Variants in ESRRG observed in about 807,000 individuals in gnomAD.
ESRRG encodes the protein estrogen-related receptor gamma.
Under a neutral mutation model 44.0 loss-of-function variants are expected in ESRRG, and 13 were observed. That is an observed-to-expected ratio of 0.30 (90% CI 0.19 to 0.47). The LOEUF (loss-of-function observed/expected upper bound fraction) is 0.47, where lower values mean the gene tolerates loss of function less well. ESRRG is among the 20% of genes least tolerant of loss of function. The pLI is 1.00. For synonymous variants in ESRRG, 215 were observed against 214.6 expected (o/e 1.00, Z -0.02); for missense variants, 395 against 580.6 (o/e 0.68, Z 3.29).
At chr1:216,969,662 C>T (rs1000562193) in intron 1 of ESRRG, among the ~76,000 whole-genome samples, 17 of 152,084 alleles carry the variant, frequency 1.1e-4, no homozygotes, top group African/African-American at 3.4e-4. Context: ...CTCAGCTCAC[C>T]GCAACCTCCG....
intron 1 of ESRRG, among the ~76,000 whole-genome samples, chr1:216,703,751 G>A (rs1286770237): frequency 6.6e-6 from 1 of 151,560 alleles, no homozygotes; most frequent in Non-Finnish European, 1.5e-5. Flanking sequence ...TTGAATGTGG[G>A]GGTGGGAAGA....
chr1:217,009,993 C>T (rs551493158), intron 1 of ESRRG, among the ~76,000 whole-genome samples: 5 of 152,136 alleles, frequency 3.3e-5, no homozygotes, highest in African/African-American at 7.2e-5. Context: ...TGTGAGCCAC[C>T]GCGCCCGGCC....
At chr1:216,754,705 T>A (rs906409165) in intron 2 of ESRRG, among the ~76,000 whole-genome samples, 3,653 of 104,658 alleles carry the variant, frequency 0.035, 158 homozygotes, top group African/African-American at 0.16. Context: ...GAAAGAACTT[T>A]TTTTTTTTTT....
intron 2 of ESRRG, among the ~76,000 whole-genome samples, chr1:216,759,439 C>T (rs997468619): frequency 3.9e-5 from 6 of 152,228 alleles, no homozygotes; most frequent in African/African-American, 1.4e-4. Context: ...CTCCACCCAC[C>T]ACATGGTTTT....
intron 3 of ESRRG, among the ~76,000 whole-genome samples, chr1:216,577,106 A>G (rs895534378): frequency 6.6e-6 from 1 of 151,904 alleles, no homozygotes; most frequent in Non-Finnish European, 1.5e-5. Flanking sequence ...CACTTCCCCA[A>G]TGTAATTAAA....
intron 5 of ESRRG, among the ~76,000 whole-genome samples, chr1:216,562,733 A>T (rs2059008557): frequency 6.6e-6 from 1 of 152,134 alleles, no homozygotes; most frequent in South Asian, 2.1e-4. Context: ...GTGTATACAT[A>T]TATCATAATG....
chr1:216,563,698 T>C lies in ESRRG; in HGVS notation c.862+521A>G, dbSNP rs115568532. On this transcript the variant is annotated intron_variant, in intron 5 of 6. Coordinates refer to ENST00000408911, the MANE Select transcript of ESRRG (RefSeq NM_001438.4). ...ACTTTAAATTACCATATAGGAAAAG[T>C]TACCATGTCCATTTAATATTTATTT... 3.4e-3 allele frequency among the ~76,000 whole-genome samples: 519 copies of C among 152,282 alleles called. 5 individuals carry two copies. The highest frequency in any genetic ancestry group is 0.01 in the African/African-American group (419 of 41,556).
intron 1 of ESRRG, among the ~76,000 whole-genome samples, chr1:216,693,772 C>A: frequency 6.6e-6 from 1 of 152,154 alleles, no homozygotes; most frequent in Middle Eastern, 3.2e-3. Context: ...GCAGAGCCCA[C>A]AGACATGGAG....
At chr1:216,854,652 G>A (rs935034440) in intron 2 of ESRRG, among the ~76,000 whole-genome samples, 5 of 152,130 alleles carry the variant, frequency 3.3e-5, no homozygotes, top group Non-Finnish European at 5.9e-5. Flanking sequence ...TATGGCGCCT[G>A]AGGTAACTAC....
rs557847134 is a variant in ESRRG at position 216,558,128 on chromosome 1, A to G, written c.862+6091T>C. ...TTCACAACTTTGGCTTGTCTCTTGAACTAGATCTCTGCCTAGGAAACCTAG... is the reference window on the plus strand; with the variant it reads ...TTCACAACTTTGGCTTGTCTCTTGAGCTAGATCTCTGCCTAGGAAACCTAG... On this transcript the variant is annotated intron_variant, in intron 5 of 6. Transcript: ENST00000408911. 2.6e-4 allele frequency among the ~76,000 whole-genome samples: 39 copies of G among 152,308 alleles called. No homozygotes were observed. In the South Asian group the frequency reaches 7.5e-3, roughly 29 times the overall value.
intron 3 of ESRRG, among the ~76,000 whole-genome samples, chr1:216,577,534 T>C (rs1324889078): frequency 6.6e-6 from 1 of 151,954 alleles, no homozygotes; most frequent in Admixed American, 6.6e-5. Context: ...CCAATAATAA[T>C]AGTTATAACA....
chr1:217,015,427 AAC>A (rs2079197449), intron 1 of ESRRG, among the ~76,000 whole-genome samples: 1 of 152,170 alleles, frequency 6.6e-6, no homozygotes, highest in South Asian at 2.1e-4. Flanking sequence ...AAATATATAA[AAC>A]ATAAATTTAT....
At chr1:217,009,050 G>A (rs778695541) in intron 1 of ESRRG, among the ~76,000 whole-genome samples, 2 of 151,996 alleles carry the variant, frequency 1.3e-5, no homozygotes, top group African/African-American at 2.4e-5. Flanking sequence ...CATTCTTCAT[G>A]GTAAAAAATA....
intron 1 of ESRRG, among the ~76,000 whole-genome samples, chr1:216,983,182 G>A (rs190327572): frequency 1.9e-4 from 29 of 152,012 alleles, no homozygotes; most frequent in African/African-American, 6.8e-4. Context: ...ATTAGAATTA[G>A]TATTAGAATT....
At chr1:216,724,133 T>C (rs2086985642), upstream of ESRRG, among the ~76,000 whole-genome samples, 1 of 152,160 alleles carries the variant, frequency 6.6e-6, no homozygotes, top group Admixed American at 6.5e-5. Flanking sequence ...GAAGAGGAGA[T>C]AGTGACAATA....
intron 1 of ESRRG, among the ~76,000 whole-genome samples, chr1:217,074,451 CCAAA>C (rs1289189464): frequency 2.1e-5 from 3 of 144,118 alleles, no homozygotes; most frequent in African/African-American, 7.7e-5. Context: ...TCCACCCCCC[CCAAA>C]AAAAAAAAAA....
chr1:216,894,884 G>C (rs533394295), intron 2 of ESRRG, among the ~76,000 whole-genome samples: 47 of 152,098 alleles, frequency 3.1e-4, no homozygotes, highest in Non-Finnish European at 8.8e-5. Context: ...GTTCTATCCT[G>C]ATTCCTCCCC....
intron 2 of ESRRG, among the ~76,000 whole-genome samples, chr1:216,659,522 G>T (rs1323936938): frequency 6.6e-6 from 1 of 152,094 alleles, no homozygotes; most frequent in Non-Finnish European, 1.5e-5. Context: ...CATTTGCAAA[G>T]CTCTTCAAAA....
At chr1:216,555,294 T>C (rs979115161) in intron 5 of ESRRG, among the ~76,000 whole-genome samples, 9 of 152,342 alleles carry the variant, frequency 5.9e-5, no homozygotes, top group African/African-American at 2.2e-4. Context: ...AAAAGCCCTA[T>C]CCTTTAAAAC....
Sources: allele counts gnomAD v4.1 joint callset (sites outside exome capture counted in the v4.1 genomes callset), GRCh38; gene constraint gnomAD v4.1.1; transcripts MANE v1.5; gene names NCBI Gene and HGNC (gene_info 2026-07-23, HGNC 2026-07-21).